The following NTF4 variants were observed in gnomAD, a reference collection of about 807,000 sequenced individuals.
NTF4 encodes the protein neurotrophin 4.
Under a neutral mutation model 4.4 loss-of-function variants are expected in NTF4, and 2 were observed. The observed-to-expected ratio is 0.46, with a 90% confidence interval of 0.19 to 1.44. NTF4 has a LOEUF of 1.44. NTF4 is among the 40% of genes most tolerant of loss of function. NTF4 has a pLI of 0.26. For synonymous variants in NTF4, 127 were observed against 122.0 expected, an observed-to-expected ratio of 1.04 and a Z score of -0.27; for missense variants, 260 against 293.0, an observed-to-expected ratio of 0.89 and a Z score of 0.82.
At chr19:49,060,425 G>C (rs2040117954), downstream of NTF4, among the ~76,000 whole-genome samples, 1 of 152,102 alleles carries the variant, frequency 6.6e-6, no homozygotes, top group East Asian at 1.9e-4. Context: ...TCTGCCTCCT[G>C]AGTTCAAGCA....
chr19:49,062,659 C>G (rs961125353), upstream of NTF4, among the ~76,000 whole-genome samples: 8 of 152,124 alleles, frequency 5.3e-5, no homozygotes, highest in South Asian at 6.2e-4. Context: ...TGGCGCATGT[C>G]TGTAATCCCA....
At position 49,061,602 on chromosome 19, in the gene NTF4, G is replaced by A; in HGVS notation, c.396C>T (p.Leu132=). 6.2e-7 allele frequency: 1 copy of A among 1,613,922 alleles called. No homozygotes were observed. The highest frequency in any genetic ancestry group is 1.1e-5 in the South Asian group (1 of 91,088). ...AGCGGGTTTCAAAGAAGTACTGGCGGAGGGGACTGCCGCCAGCTGCAGGCA... is the reference window on the plus strand; with the variant it reads ...AGCGGGTTTCAAAGAAGTACTGGCGAAGGGGACTGCCGCCAGCTGCAGGCA... Residue 132 remains leucine (L), a synonymous_variant, in exon 1 of 1, where the codon CTC becomes CTT. Coordinates refer to ENST00000593537, the Ensembl canonical transcript of NTF4. The surrounding 1 kb of genome is among the most constrained non-coding windows in gnomAD (Gnocchi z 4.9).
chr19:49,059,778 T>C (rs34194748), downstream of NTF4, among the ~76,000 whole-genome samples: 129 of 152,210 alleles, frequency 8.5e-4, no homozygotes, highest in Middle Eastern at 0.01. Context: ...CCGGGCGCAG[T>C]GGCTCATGCC....
rs1384565702 is a variant in NTF4, at chr19:49,061,560, A to T, written c.438T>A (p.Ala146=). 6.2e-7 allele frequency: 1 copy of T among 1,614,100 alleles called. No homozygotes were observed. Among genetic ancestry groups the T allele is most frequent in the Non-Finnish European group, 8.5e-7 (1 of 1,180,020 alleles). ...CACCTGCCCCCGGGCCACCTTCCTCAGCGTTATCAGCCTTGCAGCGGGTTT... is the reference window on the plus strand; with the variant it reads ...CACCTGCCCCCGGGCCACCTTCCTCTGCGTTATCAGCCTTGCAGCGGGTTT... Residue 146 remains alanine, a synonymous_variant, in exon 1 of 1, where the codon GCT becomes GCA. Transcript: ENST00000593537. This position sits in a 1 kb window ranked among gnomAD's most constrained non-coding sequence, Gnocchi z 4.9.
upstream of NTF4, among the ~76,000 whole-genome samples, chr19:49,063,427 C>T (rs1312604234): frequency 1.3e-5 from 2 of 151,828 alleles, no homozygotes; most frequent in Non-Finnish European, 2.9e-5. Flanking sequence ...ATGGCATTCT[C>T]CTGCCTCAGC....
At position 49,061,326 on chromosome 19, in the gene NTF4, T is replaced by C. The variant is rs1276214027; in HGVS notation, c.*39A>G. The stretch of plus-strand genomic sequence containing the variant: ...GATCAGCTGGGCCATCCCTGAGGTC[T>C]CTCAGCATCCAGCTCTGTTATTTTC... On this transcript the variant is annotated 3_prime_UTR_variant, in exon 1 of 1. Transcript: ENST00000593537. This position sits in a 1 kb window ranked among gnomAD's most constrained non-coding sequence, Gnocchi z 4.9. The C allele has an allele frequency of 5.6e-6, 9 of 1,609,952 alleles. No homozygotes were observed. The highest frequency in any genetic ancestry group is 1.3e-5 in the African/African-American group (1 of 74,860).
chr19:49,063,187 A>G (rs2040174014), upstream of NTF4, among the ~76,000 whole-genome samples: 1 of 151,398 alleles, frequency 6.6e-6, no homozygotes, highest in Non-Finnish European at 1.5e-5. Flanking sequence ...TTGTATTTTT[A>G]ATAGAGATGG....
upstream of NTF4, among the ~76,000 whole-genome samples, chr19:49,062,952 G>A (rs564029945): frequency 1.2e-3 from 179 of 152,210 alleles, no homozygotes; most frequent in African/African-American, 2.9e-3. Flanking sequence ...GCACTCTGCC[G>A]TCCTTCCTGT....
At chr19:49,060,096 C>T (rs1323883383), downstream of NTF4, among the ~76,000 whole-genome samples, 1 of 129,474 alleles carries the variant, frequency 7.7e-6, no homozygotes. Context: ...TCTGACTGCT[C>T]AACCCCCATT....
upstream of NTF4, among the ~76,000 whole-genome samples, chr19:49,062,943 C>T (rs2040171125): frequency 6.6e-6 from 1 of 152,208 alleles, no homozygotes; most frequent in Admixed American, 6.5e-5. Flanking sequence ...TGGGCAACTG[C>T]ACTCTGCCGT....
At chr19:49,063,146 A>G (rs867082614), upstream of NTF4, among the ~76,000 whole-genome samples, 148 of 151,686 alleles carry the variant, frequency 9.8e-4, no homozygotes, top group African/African-American at 3.5e-3. Flanking sequence ...AGGTGGGATT[A>G]CAAGCACCTG....
chr19:49,059,194 G>A (rs935669683), downstream of NTF4, among the ~76,000 whole-genome samples: 30 of 152,136 alleles, frequency 2.0e-4, no homozygotes, highest in African/African-American at 7.0e-4. Flanking sequence ...TGCCCACCTC[G>A]GGGTAACGAT....
At chr19:49,058,770 T>C, downstream of NTF4, 1 of 167,224 alleles carries the variant, frequency 6.0e-6, no homozygotes, top group Non-Finnish European at 1.3e-5. Flanking sequence ...CTGGCCATGG[T>C]TCCACCCCCT....
upstream of NTF4, among the ~76,000 whole-genome samples, chr19:49,062,662 T>C (rs1888617081): frequency 6.6e-6 from 1 of 151,848 alleles, no homozygotes; most frequent in South Asian, 2.1e-4. Context: ...CGCATGTCTG[T>C]AATCCCAGTT....
In NTF4 at chr19:49,061,493, C is replaced by T. The variant is rs764831671; in HGVS notation, c.505G>A (p.Glu169Lys). Residue 169 changes from glutamate (E) to lysine (K), a missense_variant, in exon 1 of 1, where the codon GAG becomes AAG. Physicochemically the swap from Glu to Lys is moderately conservative, Grantham distance 56. Coordinates refer to ENST00000593537, the Ensembl canonical transcript of NTF4. This position sits in a 1 kb window ranked among gnomAD's most constrained non-coding sequence, Gnocchi z 4.9. ...ACATAGGACTGCTTGGCCTTGCACTCAGATACCCAGTGCCTCCTGTCCACT... is the reference window on the plus strand; with the variant it reads ...ACATAGGACTGCTTGGCCTTGCACTTAGATACCCAGTGCCTCCTGTCCACT... The T allele has an allele frequency of 6.2e-6, 10 of 1,614,110 alleles. No individual in the cohort carries two copies. The highest frequency in any genetic ancestry group is 1.3e-5 in the African/African-American group (1 of 75,066).
At chr19:49,059,555 T>G (rs536350876), downstream of NTF4, among the ~76,000 whole-genome samples, 363 of 152,152 alleles carry the variant, frequency 2.4e-3, 2 homozygotes, top group South Asian at 0.011. Context: ...CAAGGAGACG[T>G]AGAAACTGAG....
chr19:49,063,134 G>A (rs971024331), upstream of NTF4, among the ~76,000 whole-genome samples: 28 of 151,882 alleles, frequency 1.8e-4, no homozygotes, highest in Non-Finnish European at 3.4e-4. Context: ...AGCCTTCTGA[G>A]TAGGTGGGAT....
At chr19:49,062,049 G>A (rs1289033718), upstream of NTF4, 2 of 1,427,414 alleles carry the variant, frequency 1.4e-6, no homozygotes, top group African/African-American at 1.4e-5. Context: ...AGAGAAGGGG[G>A]TAAAAACTTC....
chr19:49,064,231 A>C (rs2040188106), upstream of NTF4: 1 of 152,566 alleles, frequency 6.6e-6, no homozygotes, highest in African/African-American at 2.4e-5. Flanking sequence ...TTCCCTCCTC[A>C]CAGGACAGGC....
Sources: gnomAD v4.1 joint callset for allele counts (sites outside exome capture counted in the v4.1 genomes callset) on GRCh38, gnomAD v4.1.1 for gene constraint, Gnocchi (gnomAD v3.1) non-coding constraint, MANE v1.5 for transcripts, NCBI Gene and HGNC (gene_info 2026-07-23, HGNC 2026-07-21) for gene names.